SLC10A7: variants seen among roughly 807,000 people sequenced by gnomAD.
The protein encoded by SLC10A7 is sodium/bile acid cotransporter 7.
A neutral mutation model predicts 43.2 loss-of-function variants in SLC10A7; 29 were observed. That is an observed-to-expected ratio of 0.67 (90% CI 0.50 to 0.92). The LOEUF is 0.92. Ranked by LOEUF, SLC10A7 falls within the 40% of genes least tolerant of loss-of-function variation. The pLI is 0.00. For synonymous variants in SLC10A7, 152 were observed against 144.8 expected (o/e 1.05, Z -0.35); for missense variants, 295 against 403.2 (o/e 0.73, Z 2.30).
intron 5 of SLC10A7, among the ~76,000 whole-genome samples, chr4:146,363,341 A>G (rs569476339): frequency 6.6e-6 from 1 of 152,230 alleles, no homozygotes; most frequent in Admixed American, 6.5e-5. Flanking sequence ...TATGCACTCA[A>G]TGCAGCATCC....
chr4:146,450,509 G>T (rs1458684450), intron 4 of SLC10A7, among the ~76,000 whole-genome samples: 4 of 152,130 alleles, frequency 2.6e-5, no homozygotes, highest in Non-Finnish European at 5.9e-5. Flanking sequence ...GAGTAGTAAA[G>T]CATATGAGTT....
At chr4:146,310,202 T>A (rs1731867759) in intron 6 of SLC10A7, among the ~76,000 whole-genome samples, 1 of 152,216 alleles carries the variant, frequency 6.6e-6, no homozygotes, top group South Asian at 2.1e-4. Flanking sequence ...ATGTACCACA[T>A]TTTCTTTATC....
intron 5 of SLC10A7, among the ~76,000 whole-genome samples, chr4:146,421,231 C>T (rs1189506592): frequency 6.6e-6 from 1 of 152,100 alleles, no homozygotes; most frequent in Non-Finnish European, 1.5e-5. Flanking sequence ...ACTCCTCCTC[C>T]AGTATCAGGT....
At chr4:146,441,167 GA>G (rs1035269024) in intron 5 of SLC10A7, among the ~76,000 whole-genome samples, 24 of 150,342 alleles carry the variant, frequency 1.6e-4, no homozygotes, top group South Asian at 4.2e-4. Flanking sequence ...ATTAGGGTAA[GA>G]AAAAAAAAGT....
intron 4 of SLC10A7, among the ~76,000 whole-genome samples, chr4:146,473,499 C>T (rs984443112): frequency 2.0e-5 from 3 of 151,978 alleles, no homozygotes; most frequent in African/African-American, 4.8e-5. Context: ...CTTTAAAACA[C>T]CTTAACAGAT....
intron 4 of SLC10A7, among the ~76,000 whole-genome samples, chr4:146,486,485 A>G (rs1734931311): frequency 6.6e-6 from 1 of 152,240 alleles, no homozygotes. Flanking sequence ...GTACATACCA[A>G]TAAGGTTTCT....
chr4:146,377,091 A>AT (rs35933873), intron 5 of SLC10A7, among the ~76,000 whole-genome samples: 111,568 of 151,620 alleles, frequency 0.74, 42,020 homozygotes, highest in African/African-American at 0.9. Flanking sequence ...TGTAAAGTAC[A>AT]TTTTTTTTTA....
At chr4:146,383,613 C>T (rs1737790356) in intron 5 of SLC10A7, among the ~76,000 whole-genome samples, 1 of 152,274 alleles carries the variant, frequency 6.6e-6, no homozygotes, top group African/African-American at 2.4e-5. Context: ...TTGCTTCATT[C>T]TTTCCTTGCT....
intron 11 of SLC10A7, chr4:146,257,027 T>A: frequency 1.1e-6 from 1 of 893,362 alleles, no homozygotes; most frequent in Non-Finnish European, 1.7e-6. Context: ...CTAGAGCTTT[T>A]AAATGTTTGG....
intron 4 of SLC10A7, among the ~76,000 whole-genome samples, chr4:146,500,207 C>A (rs1009770268): frequency 1.3e-5 from 2 of 152,186 alleles, no homozygotes; most frequent in Non-Finnish European, 2.9e-5. Context: ...TGAGAAAACA[C>A]ACAACCACAA....
intron 7 of SLC10A7, 38 bp downstream of exon 7, chr4:146,305,888 T>A: frequency 6.6e-7 from 1 of 1,505,640 alleles, no homozygotes; most frequent in Non-Finnish European, 9.0e-7. Flanking sequence ...CACAATTTGA[T>A]CCATAAAGAA....
At chr4:146,514,264 C>G (rs768792915) in intron 2 of SLC10A7, 1 of 152,158 alleles carries the variant, frequency 6.6e-6, no homozygotes, top group Non-Finnish European at 1.5e-5. Flanking sequence ...TACTCAGGAC[C>G]TTTTCTCAGC....
At chr4:146,274,600 C>G (rs758680737) in intron 10 of SLC10A7, among the ~76,000 whole-genome samples, 3 of 152,038 alleles carry the variant, frequency 2.0e-5, no homozygotes, top group Non-Finnish European at 4.4e-5. Flanking sequence ...AAAGGACATT[C>G]GAAGTTAGGC....
At position 146,256,440 on chromosome 4, in the gene SLC10A7, A is replaced by G. The variant is rs1727888345; in HGVS notation, c.*51T>C. On this transcript the variant is annotated 3_prime_UTR_variant, in exon 12 of 12. Coordinates refer to ENST00000335472, the MANE Select transcript of SLC10A7 (RefSeq NM_001029998.6). ...AGTACAAGTCTTCAGAATTGCTAGTATGTACAATCCTGTACATATATACAT... is the reference window on the plus strand; with the variant it reads ...AGTACAAGTCTTCAGAATTGCTAGTGTGTACAATCCTGTACATATATACAT... The G allele has an allele frequency of 6.3e-7, 1 of 1,579,150 alleles. No individual in the cohort carries two copies. Among genetic ancestry groups the G allele is most frequent in the South Asian group, 1.1e-5 (1 of 88,922 alleles).
chr4:146,309,535 TG>T (rs1211508717), intron 6 of SLC10A7, among the ~76,000 whole-genome samples: 1 of 152,146 alleles, frequency 6.6e-6, no homozygotes, highest in Non-Finnish European at 1.5e-5. Context: ...GCTGCTGACT[TG>T]GGGGTTCACA....
chr4:146,496,302 C>T (rs188356354), intron 4 of SLC10A7, among the ~76,000 whole-genome samples: 1 of 152,258 alleles, frequency 6.6e-6, no homozygotes, highest in African/African-American at 2.4e-5. Context: ...ACACAATACC[C>T]TAAAGCATGG....
At chr4:146,271,326 GAT>G (rs1211302121) in intron 10 of SLC10A7, among the ~76,000 whole-genome samples, 2 of 152,082 alleles carry the variant, frequency 1.3e-5, no homozygotes, top group African/African-American at 2.4e-5. Context: ...CCAGTAAATG[GAT>G]CCTTACACCC....
At chr4:146,350,264 G>C (rs1001528537) in intron 5 of SLC10A7, among the ~76,000 whole-genome samples, 2 of 151,686 alleles carry the variant, frequency 1.3e-5, no homozygotes, top group Admixed American at 1.3e-4. Flanking sequence ...TCAAAGAAAG[G>C]GGTGACAGAC....
intron 4 of SLC10A7, among the ~76,000 whole-genome samples, chr4:146,500,236 A>G (rs1307530063): frequency 6.6e-6 from 1 of 152,178 alleles, no homozygotes; most frequent in African/African-American, 2.4e-5. Context: ...TTCACTTTCA[A>G]TGCATGTCTA....
Sources: allele counts gnomAD v4.1 joint callset (sites outside exome capture counted in the v4.1 genomes callset), GRCh38; gene constraint gnomAD v4.1.1; transcripts MANE v1.5; gene names NCBI Gene and HGNC (gene_info 2026-07-23, HGNC 2026-07-21).